Variants in MYO16 observed in about 807,000 individuals in gnomAD.
MYO16 encodes myosin XVI.
Under a neutral mutation model 205.3 loss-of-function variants are expected in MYO16, and 94 were observed. The ratio of observed to expected loss-of-function variants is 0.46; its 90% CI spans 0.39 to 0.54. The LOEUF is 0.54. Ranked by LOEUF, MYO16 falls within the 20% of genes least tolerant of loss-of-function variation. The pLI is 0.00. For synonymous variants in MYO16, 988 were observed against 954.0 expected (o/e 1.04, Z -0.66); for missense variants, 2,315 against 2,387.5 (o/e 0.97, Z 0.63).
chr13:109,156,769 A>G (rs904480747), intron 32 of MYO16, among the ~76,000 whole-genome samples: 7 of 151,990 alleles, frequency 4.6e-5, no homozygotes, highest in African/African-American at 1.7e-4. Flanking sequence ...CCCTCCTGCA[A>G]GCCCACATCT....
At chr13:109,190,005 T>C (rs1236718616) in intron 34 of MYO16, among the ~76,000 whole-genome samples, 1 of 152,176 alleles carries the variant, frequency 6.6e-6, no homozygotes, top group Admixed American at 6.5e-5. Context: ...GTGAGAGAAT[T>C]AGACTATAGT....
At chr13:108,687,146 T>C (rs1236343001) in intron 2 of MYO16, among the ~76,000 whole-genome samples, 1 of 152,262 alleles carries the variant, frequency 6.6e-6, no homozygotes, top group East Asian at 1.9e-4. Context: ...AAGAAGATTA[T>C]GCAGTTATTA....
At chr13:108,540,296 T>C in the MYO16 span, among the ~76,000 whole-genome samples, 3 of 152,172 alleles carry the variant, frequency 2.0e-5, no homozygotes, top group African/African-American at 7.2e-5. Flanking sequence ...AAATGACTTA[T>C]TGTTATAGGT....
At position 109,140,629 on chromosome 13, in the gene MYO16, C is replaced by T; in HGVS notation, c.4417C>T (p.Leu1473=). 1 of 1,518,134 alleles carries T rather than the reference C, an allele frequency of 6.6e-7. No individual in the cohort carries two copies. The highest frequency in any genetic ancestry group is 8.8e-7 in the Non-Finnish European group (1 of 1,137,796). The allele number at this position is 1,518,134 out of a possible 1,614,324, so 94.0% of individuals were successfully genotyped here. ...CGGCGGCCCGGGCGCGGGCTCCTTC[C>T]TGCTCCACGGCGCATCGCCGCCCCT... ...DDGGPGAGSF[L]LHGASPPLLH... The change falls in exon 32 of 35, where the codon CTG becomes TTG. Residue 1473 remains leucine (L), a synonymous_variant. Transcript: ENST00000457511. This position sits in a 1 kb window ranked among gnomAD's most constrained non-coding sequence, Gnocchi z 8.0.
chr13:108,785,851 G>C (rs562909436), intron 5 of MYO16, 108 bp downstream of exon 5: 5 of 687,938 alleles, frequency 7.3e-6, no homozygotes, highest in South Asian at 1.9e-5. Context: ...TGTAGTTTCC[G>C]CACGTGGTGT....
chr13:108,782,700 C>T (rs4576932), intron 4 of MYO16, among the ~76,000 whole-genome samples: 56,885 of 151,928 alleles, frequency 0.37, 12,523 homozygotes, highest in East Asian at 0.87. Context: ...ACAGGGTCCC[C>T]GTGCTGTTTG....
intron 21 of MYO16, among the ~76,000 whole-genome samples, chr13:109,004,992 T>C (rs779090214): frequency 1.3e-5 from 2 of 152,196 alleles, no homozygotes; most frequent in Admixed American, 6.5e-5. Context: ...CTTAAAGGTT[T>C]AAAAGGTAAA....
chr13:109,202,289 C>T (rs781045818), intron 34 of MYO16, among the ~76,000 whole-genome samples: 1 of 152,096 alleles, frequency 6.6e-6, no homozygotes, highest in African/African-American at 2.4e-5. Context: ...TGCTGTTTTC[C>T]ATAGTGGTTT....
intron 4 of MYO16, among the ~76,000 whole-genome samples, chr13:108,773,893 C>A (rs1886046406): frequency 1.3e-5 from 2 of 151,994 alleles, no homozygotes; most frequent in African/African-American, 4.8e-5. Context: ...TGTGATTATT[C>A]CAGCCTGGCC....
At chr13:108,989,235 T>A (rs1191760623) in intron 20 of MYO16, among the ~76,000 whole-genome samples, 1 of 152,220 alleles carries the variant, frequency 6.6e-6, no homozygotes, top group Non-Finnish European at 1.5e-5. Flanking sequence ...TTAAGAATAC[T>A]AAAGGTATAC....
intron 6 of MYO16, among the ~76,000 whole-genome samples, chr13:108,803,882 A>G (rs1283594766): frequency 6.6e-6 from 1 of 152,206 alleles, no homozygotes; most frequent in Non-Finnish European, 1.5e-5. Flanking sequence ...TAAAATTAGT[A>G]TGTGGAAGGG....
chr13:108,588,377 C>T, the MYO16 span, among the ~76,000 whole-genome samples: 1 of 152,226 alleles, frequency 6.6e-6, no homozygotes, highest in South Asian at 2.1e-4. Context: ...ACTGGCTCAG[C>T]GCTAGGTAGA....
intron 16 of MYO16, among the ~76,000 whole-genome samples, chr13:108,931,747 G>A (rs565177082): frequency 6.6e-6 from 1 of 152,110 alleles, no homozygotes; most frequent in Non-Finnish European, 1.5e-5. Flanking sequence ...TGTACATGGG[G>A]GTGGGTGGGC....
chr13:108,575,972 C>T, the MYO16 span, among the ~76,000 whole-genome samples: 1 of 152,006 alleles, frequency 6.6e-6, no homozygotes, highest in Non-Finnish European at 1.5e-5. Context: ...ATGTTTAATA[C>T]CAAATCTAGC....
intron 4 of MYO16, among the ~76,000 whole-genome samples, chr13:108,729,037 A>G (rs1480629694): frequency 6.6e-6 from 1 of 150,946 alleles, no homozygotes; most frequent in Non-Finnish European, 1.5e-5. Flanking sequence ...TATTTCTTTC[A>G]AATTCTGGAA....
chr13:108,794,915 T>G (rs149032597), intron 6 of MYO16, among the ~76,000 whole-genome samples: 94 of 152,284 alleles, frequency 6.2e-4, no homozygotes, highest in African/African-American at 2.1e-3. Context: ...GGAAAGTGAT[T>G]TAACTAAATA....
At chr13:108,581,547 C>T in the MYO16 span, among the ~76,000 whole-genome samples, 15 of 151,758 alleles carry the variant, frequency 9.9e-5, no homozygotes, top group Admixed American at 2.6e-4. Context: ...AGGGTTTACT[C>T]TATTCCTACT....
At chr13:108,844,069 C>T (rs1344636757) in intron 9 of MYO16, among the ~76,000 whole-genome samples, 1 of 152,024 alleles carries the variant, frequency 6.6e-6, no homozygotes, top group Non-Finnish European at 1.5e-5. Flanking sequence ...TTTATTGATT[C>T]ATCTATTATA....
At chr13:109,071,137 T>G (rs900823665) in intron 27 of MYO16, among the ~76,000 whole-genome samples, 1 of 152,180 alleles carries the variant, frequency 6.6e-6, no homozygotes, top group African/African-American at 2.4e-5. Flanking sequence ...TGTCTAGAAA[T>G]CCATATTTTT....
Sources: allele counts gnomAD v4.1 joint callset (sites outside exome capture counted in the v4.1 genomes callset), GRCh38; gene constraint gnomAD v4.1.1; non-coding constraint Gnocchi (gnomAD v3.1); transcripts MANE v1.5; gene names NCBI Gene and HGNC (gene_info 2026-07-23, HGNC 2026-07-21).